Variants in VAV1 observed in about 807,000 individuals in gnomAD.
VAV1 encodes proto-oncogene vav.
A neutral mutation model predicts 128.1 loss-of-function variants in VAV1; 33 were observed. The observed-to-expected ratio is 0.26, with a 90% CI of 0.20 to 0.34. The LOEUF (loss-of-function observed/expected upper bound fraction) is 0.34. Ranked by LOEUF, VAV1 falls within the 10% of genes least tolerant of loss-of-function variation. The pLI, the probability that VAV1 is intolerant of heterozygous loss-of-function variation, is 1.00. For synonymous variants in VAV1, 394 were observed against 409.8 expected (o/e 0.96, Z 0.47); for missense variants, 715 against 1,093.7 (o/e 0.65, Z 4.88).
Position 6,836,965 on chromosome 19 carries a change from T to G in VAV1, c.1915-20T>G. On this transcript the variant is annotated intron_variant, in intron 20 of 26. Coordinates refer to ENST00000602142, the MANE Select transcript of VAV1 (RefSeq NM_005428.4). The stretch of plus-strand genomic sequence containing the variant: ...ATCCTATAACCTCTCTGTTCCTGTT[T>G]TTGTCTCCTGGGTGTTTAGGGCAGA... 1 of 1,613,890 alleles carries G rather than the reference T, an allele frequency of 6.2e-7. No homozygotes were observed. The highest frequency in any genetic ancestry group is 8.5e-7 in the Non-Finnish European group (1 of 1,179,798).
chr19:6,787,246 G>A (rs1405131491), intron 1 of VAV1, among the ~76,000 whole-genome samples: 1 of 152,068 alleles, frequency 6.6e-6, no homozygotes. Flanking sequence ...TGCGATCTTG[G>A]CTCACTGCAA....
At chr19:6,776,304 CCA>C (rs1970629173) in intron 1 of VAV1, among the ~76,000 whole-genome samples, 5 of 150,602 alleles carry the variant, frequency 3.3e-5, no homozygotes, top group Non-Finnish European at 5.9e-5. Flanking sequence ...ATCCATCCAT[CCA>C]TCCATCCATC....
Position 6,822,930 on chromosome 19 carries a change from A to G in VAV1, c.654+416A>G, listed in dbSNP as rs1971831827. Among the ~76,000 whole-genome samples, 2 of 147,488 alleles carry G rather than the reference A, an allele frequency of 1.4e-5. No homozygotes were observed. The highest frequency in any genetic ancestry group is 4.2e-4 in the South Asian group (2 of 4,794). On this transcript the variant is annotated intron_variant, in intron 6 of 26. Transcript: ENST00000602142. The surrounding 1 kb of genome is among the most constrained non-coding windows in gnomAD (Gnocchi z 5.9). ...GATATTTATAAGATATAAAATATAT[A>G]GTTTTTCATATAGAGCTATATGTAA...
intron 26 of VAV1, among the ~76,000 whole-genome samples, chr19:6,856,248 G>A (rs1446307583): frequency 6.6e-6 from 1 of 151,792 alleles, no homozygotes; most frequent in Non-Finnish European, 1.5e-5. Flanking sequence ...GGTGAGCTGA[G>A]ATCGCGCCAC....
chr19:6,824,520 T>C (rs1971868091), intron 6 of VAV1, among the ~76,000 whole-genome samples: 1 of 152,182 alleles, frequency 6.6e-6, no homozygotes, highest in Non-Finnish European at 1.5e-5. Flanking sequence ...TTCCATTGTA[T>C]GGATGGACCA....
chr19:6,793,030 C>A (rs1477219630), intron 1 of VAV1, among the ~76,000 whole-genome samples: 1 of 152,004 alleles, frequency 6.6e-6, no homozygotes, highest in African/African-American at 2.4e-5. Context: ...TTATCAAATG[C>A]TTCAAGAAAG....
chr19:6,823,458 T>C (rs1376121838), intron 6 of VAV1, among the ~76,000 whole-genome samples: 1 of 151,020 alleles, frequency 6.6e-6, no homozygotes, highest in Non-Finnish European at 1.5e-5. Flanking sequence ...TATATCATTA[T>C]TTAAAGATAT....
intron 1 of VAV1, among the ~76,000 whole-genome samples, chr19:6,776,596 T>TCATC (rs746307916): frequency 8.2e-4 from 104 of 126,560 alleles, no homozygotes; most frequent in African/African-American, 1.4e-3. Context: ...GTCCATCCAC[T>TCATC]CATCCATCCA....
At chr19:6,792,398 G>A (rs1675773224) in intron 1 of VAV1, among the ~76,000 whole-genome samples, 1 of 152,054 alleles carries the variant, frequency 6.6e-6, no homozygotes, top group East Asian at 1.9e-4. Flanking sequence ...GAAATGAAAT[G>A]AAAAGAGGAG....
intron 1 of VAV1, among the ~76,000 whole-genome samples, chr19:6,794,310 A>G (rs931117264): frequency 3.9e-5 from 6 of 152,184 alleles, no homozygotes; most frequent in African/African-American, 1.4e-4. Context: ...TTGTAACAGC[A>G]TAGAAACATT....
rs1971969209 is a variant in VAV1 at position 6,828,377 on chromosome 19, G to C, written c.1024-42G>C. On this transcript the variant is annotated intron_variant, in intron 10 of 26. Coordinates refer to ENST00000602142, the MANE Select transcript of VAV1 (RefSeq NM_005428.4). The surrounding 1 kb of genome is among the most constrained non-coding windows in gnomAD (Gnocchi z 4.5). ...TGGAAGGCCCTCCCCGCAGGGAGAA[G>C]GGGAGGGGCCCAGGTGACGTCTGAC... The C allele has an allele frequency of 1.2e-6, 2 of 1,612,048 alleles. No individual in the cohort carries two copies. Among genetic ancestry groups the C allele is most frequent in the African/African-American group, 1.3e-5 (1 of 75,010 alleles).
intron 14 of VAV1, 127 bp from the exon 15 acceptor site, chr19:6,831,964 G>C (rs751679096): frequency 5.8e-6 from 4 of 692,520 alleles, no homozygotes; most frequent in Non-Finnish European, 7.3e-6. Flanking sequence ...GGATATCCAT[G>C]CATGGTGCTA....
In VAV1 at chr19:6,828,704, A is replaced by G; in HGVS notation, c.1175A>G (p.Asn392Ser). 1 of 1,614,110 alleles carries G rather than the reference A, an allele frequency of 6.2e-7. No individual in the cohort carries two copies. Among genetic ancestry groups the G allele is most frequent in the South Asian group, 1.1e-5 (1 of 91,072 alleles). The part of the protein sequence containing the change: ...QITNFQLSIE[N>S]LDQSLAHYGR... ...ACCAATTTCCAGCTGTCCATTGAGA[A>G]CCTGGTGAGGCGGTGGAGCCGGGTG... is the stretch of plus-strand genomic sequence containing the variant. Residue 392 changes from asparagine to serine, a missense_variant, in exon 12 of 27, where the codon AAC becomes AGC. Coordinates refer to ENST00000602142, the MANE Select transcript of VAV1 (RefSeq NM_005428.4). This position sits in a 1 kb window ranked among gnomAD's most constrained non-coding sequence, Gnocchi z 4.5.
intron 1 of VAV1, among the ~76,000 whole-genome samples, chr19:6,794,970 GAC>G (rs1352626563): frequency 6.6e-6 from 1 of 152,146 alleles, no homozygotes; most frequent in Non-Finnish European, 1.5e-5. Context: ...TGGGGCTATT[GAC>G]TGGAGCACTT....
At position 6,785,667 on chromosome 19, in the gene VAV1, T is replaced by C. The variant is rs1325355484; in HGVS notation, c.204+12656T>C. On this transcript the variant is annotated intron_variant, in intron 1 of 26. Transcript: ENST00000602142. ...TTTCTTTCTTTCTTTCTTTCTTTTTTTTTTTTTTTTGAGATAGAGTCTTGC... is the reference window on the plus strand; with the variant it reads ...TTTCTTTCTTTCTTTCTTTCTTTTTCTTTTTTTTTTGAGATAGAGTCTTGC... Among the ~76,000 whole-genome samples, 73 of 148,700 alleles carry C rather than the reference T, an allele frequency of 4.9e-4. No homozygotes were observed. The Middle Eastern group carries it at 0.014, about 28-fold the overall frequency.
chr19:6,848,119 C>G lies in VAV1; in HGVS notation c.2129+5C>G, dbSNP rs779389159. On this transcript the variant is annotated splice_donor_5th_base_variant and intron_variant, in intron 23 of 26. Transcript: ENST00000602142. ...AGAATTTGCCATCAGCATTAAGTAA[C>G]TCCTTTCTCCCTGACTCATACCCTT... 3.9e-6 allele frequency: 6 copies of G among 1,545,680 alleles called. No individual in the cohort carries two copies. The Admixed American group carries it at 6.7e-5, about 17-fold the overall frequency.
At chr19:6,805,222 C>T (rs1465738297) in intron 1 of VAV1, among the ~76,000 whole-genome samples, 17 of 151,742 alleles carry the variant, frequency 1.1e-4, no homozygotes, top group African/African-American at 4.1e-4. Context: ...GTCAGGAGTT[C>T]GAGACCAGCC....
At chr19:6,775,675 G>GT (rs1483616554) in intron 1 of VAV1, among the ~76,000 whole-genome samples, 1 of 152,160 alleles carries the variant, frequency 6.6e-6, no homozygotes, top group African/African-American at 2.4e-5. Flanking sequence ...AAGCCCGGCC[G>GT]TGTGTCTGGT....
rs867867771 is a variant in VAV1 at position 6,774,452 on chromosome 19, T to A, written c.204+1441T>A. Among the ~76,000 whole-genome samples the A allele has an allele frequency of 7.8e-3, 918 of 118,256 alleles. 16 individuals carry two copies. The highest frequency in any genetic ancestry group is 0.03 in the African/African-American group (873 of 29,138). 77.6% of individuals were successfully genotyped at this position (118,256 alleles called of 152,430 possible). A position where few individuals can be genotyped will look rare whatever the true frequency, so the allele number is the denominator to read the frequency against. On this transcript the variant is annotated intron_variant, in intron 1 of 26. Coordinates refer to ENST00000602142, the MANE Select transcript of VAV1 (RefSeq NM_005428.4). ...CTTTTTTTTTTTTTTTTTTTTTTTTTAAAGACAGGGTCTCACTCTGTCGCC... is the reference window on the plus strand; with the variant it reads ...CTTTTTTTTTTTTTTTTTTTTTTTTAAAAGACAGGGTCTCACTCTGTCGCC...
Sources: allele counts gnomAD v4.1 joint callset (sites outside exome capture counted in the v4.1 genomes callset), GRCh38; gene constraint gnomAD v4.1.1; non-coding constraint Gnocchi (gnomAD v3.1); transcripts MANE v1.5; gene names NCBI Gene and HGNC (gene_info 2026-07-23, HGNC 2026-07-21).